ATOSA: variants seen among roughly 807,000 people sequenced by gnomAD.
The protein encoded by ATOSA is atos homolog A.
At chr15:52,631,331 G>C in the ATOSA span, among the ~76,000 whole-genome samples, 1 of 152,100 alleles carries the variant, frequency 6.6e-6, no homozygotes, top group South Asian at 2.1e-4. Context: ...TGGATTTCAT[G>C]AGGTCCACAT....
At chr15:52,666,818 G>T in the ATOSA span, among the ~76,000 whole-genome samples, 2 of 152,060 alleles carry the variant, frequency 1.3e-5, no homozygotes, top group African/African-American at 2.4e-5. Context: ...GAGGGGAAAA[G>T]AAATAAACAC....
At chr15:52,638,595 G>T in the ATOSA span, among the ~76,000 whole-genome samples, 67 of 151,972 alleles carry the variant, frequency 4.4e-4, no homozygotes, top group Non-Finnish European at 7.9e-4. Flanking sequence ...CAGCTACTTG[G>T]GAGGCAGAGG....
chr15:52,651,640 A>G, the ATOSA span, among the ~76,000 whole-genome samples: 1 of 152,094 alleles, frequency 6.6e-6, no homozygotes, highest in African/African-American at 2.4e-5. Context: ...CTTCCTACTC[A>G]TTGTTCAGTT....
chr15:52,675,892 C>A, the ATOSA span, among the ~76,000 whole-genome samples: 1 of 144,576 alleles, frequency 6.9e-6, no homozygotes, highest in Non-Finnish European at 1.5e-5. Context: ...GGCGACAGAG[C>A]GAGACTCCGT....
chr15:52,665,218 G>A, the ATOSA span, among the ~76,000 whole-genome samples: 134,289 of 152,186 alleles, frequency 0.88, 59,379 homozygotes, highest in East Asian at 1. Flanking sequence ...CACAAAATAC[G>A]CTGATGTAAT....
chr15:52,589,533 T>C, the ATOSA span, among the ~76,000 whole-genome samples: 1 of 106,178 alleles, frequency 9.4e-6, no homozygotes, highest in Admixed American at 1.0e-4. Flanking sequence ...AGTAACTAAA[T>C]CAATTTATTT....
chr15:52,639,574 G>C, the ATOSA span, among the ~76,000 whole-genome samples: 1 of 152,148 alleles, frequency 6.6e-6, no homozygotes, highest in African/African-American at 2.4e-5. Context: ...TTTATAAAAG[G>C]TCTTATCTAT....
At chr15:52,670,996 A>T in the ATOSA span, among the ~76,000 whole-genome samples, 1 of 152,140 alleles carries the variant, frequency 6.6e-6, no homozygotes, top group South Asian at 2.1e-4. Context: ...ATATTCATAA[A>T]CCTGAGGTTT....
the ATOSA span, among the ~76,000 whole-genome samples, chr15:52,626,529 G>GGAAA: frequency 2.1e-5 from 3 of 141,680 alleles, no homozygotes; most frequent in East Asian, 2.0e-4. Flanking sequence ...AGGGAAAGCT[G>GGAAA]AAAAAAAAAA....
At chr15:52,591,264 CTT>C in the ATOSA span, among the ~76,000 whole-genome samples, 2 of 152,138 alleles carry the variant, frequency 1.3e-5, no homozygotes, top group Non-Finnish European at 1.5e-5. Context: ...GAGTTTTGCT[CTT>C]GTCGCCCAGG....
At chr15:52,614,478 T>C in the ATOSA span, among the ~76,000 whole-genome samples, 3 of 152,132 alleles carry the variant, frequency 2.0e-5, no homozygotes, top group Non-Finnish European at 4.4e-5. Context: ...TCTGAGAAAT[T>C]TATAAAATTC....
chr15:52,629,780 C>T, the ATOSA span: 4 of 167,436 alleles, frequency 2.4e-5, no homozygotes, highest in South Asian at 1.2e-4. Context: ...CCAGCCTGGG[C>T]AACAGAGCAA....
At chr15:52,590,111 A>T in the ATOSA span, among the ~76,000 whole-genome samples, 1 of 152,124 alleles carries the variant, frequency 6.6e-6, no homozygotes, top group Non-Finnish European at 1.5e-5. Flanking sequence ...TTTAAAATGG[A>T]ATAGTAGGGT....
At chr15:52,669,942 C>T in the ATOSA span, among the ~76,000 whole-genome samples, 4 of 152,204 alleles carry the variant, frequency 2.6e-5, no homozygotes, top group South Asian at 4.1e-4. Context: ...CATCTCACCA[C>T]TCTATTTTCC....
At chr15:52,673,239 C>G in the ATOSA span, among the ~76,000 whole-genome samples, 3 of 152,206 alleles carry the variant, frequency 2.0e-5, no homozygotes, top group Non-Finnish European at 2.9e-5. Flanking sequence ...AAAGCTGAGG[C>G]AGAGAGGACA....
chr15:52,616,702 T>C, the ATOSA span, among the ~76,000 whole-genome samples: 1 of 152,160 alleles, frequency 6.6e-6, no homozygotes, highest in Non-Finnish European at 1.5e-5. Flanking sequence ...GAGATGTTGG[T>C]TTGTCCCCGT....
At chr15:52,587,448 C>G in the ATOSA span, 1 of 365,528 alleles carries the variant, frequency 2.7e-6, no homozygotes, top group Non-Finnish European at 4.9e-6. Context: ...ATGGCCACAG[C>G]ACTCAAAATT....
chr15:52,593,874 G>C, the ATOSA span: 2 of 883,684 alleles, frequency 2.3e-6, no homozygotes, highest in Non-Finnish European at 3.3e-6. Context: ...TCTAGCACTA[G>C]AACAGTGGTT....
the ATOSA span, among the ~76,000 whole-genome samples, chr15:52,628,169 A>G: frequency 2.0e-5 from 3 of 152,214 alleles, no homozygotes; most frequent in Admixed American, 6.5e-5. Context: ...GTCTGCAGAC[A>G]TTGTATCAGG....
Sources: allele counts gnomAD v4.1 joint callset (sites outside exome capture counted in the v4.1 genomes callset), GRCh38; gene constraint gnomAD v4.1.1; transcripts MANE v1.5; gene names NCBI Gene and HGNC (gene_info 2026-07-23, HGNC 2026-07-21).